ACOT7: variants seen among roughly 807,000 people sequenced by gnomAD.
ACOT7 encodes the protein cytosolic acyl coenzyme A thioester hydrolase.
ACOT7 carries 12 observed loss-of-function variants against 40.2 expected under a neutral mutation model. That is an observed-to-expected ratio of 0.30 (90% CI 0.19 to 0.48). ACOT7 has a LOEUF of 0.48. Ranked by LOEUF, ACOT7 falls within the 20% of genes least tolerant of loss-of-function variation. The pLI, the probability that ACOT7 is intolerant of heterozygous loss-of-function variation, is 0.99. For missense variants in ACOT7, 395 were observed against 530.8 expected (o/e 0.74, Z 2.51); for synonymous variants, 228 against 219.5 (o/e 1.04, Z -0.34).
chr1:6,368,998 T>C (rs1642073963), intron 1 of ACOT7, among the ~76,000 whole-genome samples: 2 of 152,178 alleles, frequency 1.3e-5, no homozygotes, highest in African/African-American at 2.4e-5. Context: ...ACCACTTTCT[T>C]TTTTTTTCTT....
At position 6,364,350 on chromosome 1, in the gene ACOT7, T is replaced by C. The variant is rs561800616; in HGVS notation, c.144-14484A>G. Among the ~76,000 whole-genome samples, 3 of 151,204 alleles carry C rather than the reference T, an allele frequency of 2.0e-5. No homozygotes were observed. In the South Asian group the frequency reaches 6.3e-4, roughly 32 times the overall value. ...TGAGGTCGGGCGTTCAAGACCAGCCTGACCAACATGGAAAAACCCCATCTC... is the reference window on the plus strand; with the variant it reads ...TGAGGTCGGGCGTTCAAGACCAGCCCGACCAACATGGAAAAACCCCATCTC... On this transcript the variant is annotated intron_variant, in intron 1 of 8. Coordinates refer to ENST00000361521, the MANE Select transcript of ACOT7 (RefSeq NM_007274.4).
intron 1 of ACOT7, chr1:6,360,861 G>T: frequency 3.5e-6 from 2 of 568,852 alleles, no homozygotes; most frequent in Non-Finnish European, 4.5e-6. Context: ...GACCTACCAG[G>T]CTTCCACAGC....
At chr1:6,304,858 A>G (rs1640082103) in intron 6 of ACOT7, among the ~76,000 whole-genome samples, 1 of 139,062 alleles carries the variant, frequency 7.2e-6, no homozygotes, top group Non-Finnish European at 1.5e-5. Context: ...CCCCCTTTCT[A>G]TTCCACAAAA....
chr1:6,337,608 T>C (rs1641140374), intron 3 of ACOT7, among the ~76,000 whole-genome samples: 1 of 152,168 alleles, frequency 6.6e-6, no homozygotes, highest in African/African-American at 2.4e-5. Flanking sequence ...CTCTCTGCTG[T>C]GGGGACAGCG....
At chr1:6,350,197 G>A (rs1317235641) in intron 1 of ACOT7, among the ~76,000 whole-genome samples, 1 of 152,202 alleles carries the variant, frequency 6.6e-6, no homozygotes, top group East Asian at 1.9e-4. Flanking sequence ...GGGCAGGGAG[G>A]TGGTGATCAG....
chr1:6,366,174 C>T (rs1035805120), intron 1 of ACOT7, among the ~76,000 whole-genome samples: 1 of 152,008 alleles, frequency 6.6e-6, no homozygotes, highest in Non-Finnish European at 1.5e-5. Context: ...GGGATTACCG[C>T]CCGGCCTGCA....
chr1:6,376,315 C>T (rs945085762), intron 1 of ACOT7, among the ~76,000 whole-genome samples: 7 of 152,094 alleles, frequency 4.6e-5, no homozygotes. Flanking sequence ...CACCTGTAGT[C>T]AAGGCTACTA....
At chr1:6,300,953 C>T (rs886803551) in intron 6 of ACOT7, among the ~76,000 whole-genome samples, 3 of 152,236 alleles carry the variant, frequency 2.0e-5, no homozygotes, top group Admixed American at 1.3e-4. Context: ...AAAGTCACAC[C>T]ACTAGGGGTA....
At position 6,355,702 on chromosome 1, in the gene ACOT7, C is replaced by T. The variant is rs145255665; in HGVS notation, c.144-5836G>A. On this transcript the variant is annotated intron_variant, in intron 1 of 8. Coordinates refer to ENST00000361521, the MANE Select transcript of ACOT7 (RefSeq NM_007274.4). This position sits in a 1 kb window ranked among gnomAD's most constrained non-coding sequence, Gnocchi z 5.0. ...CAAATTAATAAGTGTTCTTTGAAAA[C>T]GCTTCAAGGCACAGCTCAAAACTCA... Among the ~76,000 whole-genome samples, 40 of 152,316 alleles carry T rather than the reference C, an allele frequency of 2.6e-4. No individual in the cohort carries two copies. The highest frequency in any genetic ancestry group is 1.0e-3 in the Admixed American group (16 of 15,296).
At chr1:6,343,883 T>G (rs1289970988) in intron 2 of ACOT7, among the ~76,000 whole-genome samples, 1 of 152,236 alleles carries the variant, frequency 6.6e-6, no homozygotes, top group Non-Finnish European at 1.5e-5. Context: ...TGGCAGCATC[T>G]GTGGGGCCTC....
intron 6 of ACOT7, among the ~76,000 whole-genome samples, chr1:6,307,159 T>G (rs11121611): frequency 0.18 from 27,421 of 152,254 alleles, 3,285 homozygotes; most frequent in South Asian, 0.43. Flanking sequence ...TTCTTCACAG[T>G]GTCCCTGGTG....
chr1:6,369,981 C>T (rs1038654218), intron 1 of ACOT7, among the ~76,000 whole-genome samples: 2 of 152,098 alleles, frequency 1.3e-5, no homozygotes, highest in Non-Finnish European at 2.9e-5. Context: ...TATGAGGATC[C>T]CTAACCTCAT....
At chr1:6,318,358 T>C (rs1387253720) in intron 6 of ACOT7, 134 bp downstream of exon 6, 1 of 970,024 alleles carries the variant, frequency 1.0e-6, no homozygotes, top group Non-Finnish European at 1.6e-6. Flanking sequence ...ACCTGGCCTA[T>C]TGTACAACTT....
At chr1:6,377,237 A>T (rs188845718) in intron 1 of ACOT7, among the ~76,000 whole-genome samples, 6 of 151,046 alleles carry the variant, frequency 4.0e-5, no homozygotes, top group South Asian at 2.1e-4. Context: ...TAAAGACATT[A>T]AAAAAATACA....
At chr1:6,310,048 C>A (rs938700258) in intron 6 of ACOT7, among the ~76,000 whole-genome samples, 1 of 152,178 alleles carries the variant, frequency 6.6e-6, no homozygotes, top group Non-Finnish European at 1.5e-5. Flanking sequence ...ACCGTTCACA[C>A]GTCACCTTCA....
intron 7 of ACOT7, among the ~76,000 whole-genome samples, chr1:6,284,402 C>A (rs997854053): frequency 3.3e-5 from 5 of 151,930 alleles, no homozygotes; most frequent in Non-Finnish European, 5.9e-5. Context: ...CATGGTGAAA[C>A]CCTGTCTCTA....
chr1:6,323,325 C>T (rs1222588533), intron 5 of ACOT7, among the ~76,000 whole-genome samples: 1 of 152,042 alleles, frequency 6.6e-6, no homozygotes, highest in African/African-American at 2.4e-5. Flanking sequence ...AGTGGGCTGG[C>T]GTGTTCAACA....
intron 4 of ACOT7, 62 bp from the exon 5 acceptor site, chr1:6,327,475 G>A (rs1456601764): frequency 1.7e-5 from 25 of 1,511,408 alleles, no homozygotes; most frequent in Admixed American, 5.3e-5. Flanking sequence ...CTCGCTGGGC[G>A]GCCATGATCC....
At position 6,311,901 on chromosome 1, in the gene ACOT7, C is replaced by G. The variant is rs1640341706; in HGVS notation, c.712+6591G>C. Among the ~76,000 whole-genome samples, 1 of 152,160 alleles carries G rather than the reference C, an allele frequency of 6.6e-6. No individual in the cohort carries two copies. The highest frequency in any genetic ancestry group is 2.1e-4 in the South Asian group (1 of 4,822). On this transcript the variant is annotated intron_variant, in intron 6 of 8. Coordinates refer to ENST00000361521, the MANE Select transcript of ACOT7 (RefSeq NM_007274.4). The surrounding 1 kb of genome is among the most constrained non-coding windows in gnomAD (Gnocchi z 5.2). The stretch of plus-strand genomic sequence containing the variant: ...TCCTGGACACCCCTCACCCCGACTC[C>G]CAGGGTCTGGGTCACCTGTCGGGTG...
Sources: allele counts gnomAD v4.1 joint callset (sites outside exome capture counted in the v4.1 genomes callset), GRCh38; gene constraint gnomAD v4.1.1; non-coding constraint Gnocchi (gnomAD v3.1); transcripts MANE v1.5; gene names NCBI Gene and HGNC (gene_info 2026-07-23, HGNC 2026-07-21).